Variants in IQSEC1 observed in about 807,000 individuals in gnomAD.
IQSEC1 encodes IQ motif and Sec7 domain ArfGEF 1.
In IQSEC1, 31 loss-of-function variants were observed where a neutral mutation model predicts 91.0. The observed-to-expected ratio is 0.34, with a 90% confidence interval of 0.26 to 0.46. The LOEUF is 0.46. Among genes scored for constraint, IQSEC1 ranks in the 20% least tolerant of loss-of-function variants. The probability of loss-of-function intolerance (pLI) is 1.00; values close to 1 mark genes in which losing one functional copy is unlikely to be tolerated. For synonymous variants in IQSEC1, 699 were observed against 662.6 expected (o/e 1.05, Z -0.84); for missense variants, 1,388 against 1,575.6 (o/e 0.88, Z 2.02).
At chr3:12,942,754 C>T (rs928088418) in intron 1 of IQSEC1, among the ~76,000 whole-genome samples, 1 of 152,234 alleles carries the variant, frequency 6.6e-6, no homozygotes, top group Non-Finnish European at 1.5e-5. Flanking sequence ...CAGCACGGGA[C>T]TGTGTTTTGG....
chr3:12,905,627 G>C (rs1041500398), intron 12 of IQSEC1, among the ~76,000 whole-genome samples: 17 of 152,356 alleles, frequency 1.1e-4, no homozygotes, highest in African/African-American at 4.1e-4. Flanking sequence ...TGACATGGTG[G>C]GGAGGGATGT....
chr3:12,991,659 A>G (rs1701998232), intron 1 of IQSEC1, among the ~76,000 whole-genome samples: 1 of 152,240 alleles, frequency 6.6e-6, no homozygotes, highest in South Asian at 2.1e-4. Flanking sequence ...AGTGATGGGC[A>G]GCTTCCTACA....
chr3:12,955,643 C>T lies in IQSEC1; in HGVS notation c.24-13778G>A, dbSNP rs187951271. ...ACAGGCTTAAAACAGGAAAAGTCAA[C>T]CCCTAACGCCAATCCTGCAGCCAAC... is the stretch of plus-strand genomic sequence containing the variant. On this transcript the variant is annotated intron_variant, in intron 1 of 13. Coordinates refer to ENST00000613206, the MANE Select transcript of IQSEC1 (RefSeq NM_001134382.3). 2.3e-3 allele frequency among the ~76,000 whole-genome samples: 353 copies of T among 152,372 alleles called. 1 individual carries two copies. Among genetic ancestry groups the T allele is most frequent in the East Asian group, 0.016 (85 of 5,180 alleles).
In IQSEC1 at chr3:13,083,175, C is replaced by T. The variant is rs763756125; in HGVS notation, c.303-35653G>A. On this transcript the variant is annotated intron_variant, in intron 2 of 15. Transcript: ENST00000648114. ...AACTTGCAGGTGCTCAATTAATGCCCGTGGACTGAACAAGTTGGCAGCTGA... is the reference window on the plus strand; with the variant it reads ...AACTTGCAGGTGCTCAATTAATGCCTGTGGACTGAACAAGTTGGCAGCTGA... 7.2e-5 allele frequency among the ~76,000 whole-genome samples: 11 copies of T among 152,268 alleles called. No individual in the cohort carries two copies. The East Asian group carries it at 9.6e-4, about 13-fold the overall frequency.
At chr3:12,969,548 C>T (rs1700795005) in intron 1 of IQSEC1, among the ~76,000 whole-genome samples, 1 of 152,226 alleles carries the variant, frequency 6.6e-6, no homozygotes, top group South Asian at 2.1e-4. Flanking sequence ...GGATAGGGTA[C>T]ACATGACCCA....
Position 13,156,514 on chromosome 3 carries a change from T to A in IQSEC1, c.302+7590A>T, listed in dbSNP as rs912056343. On this transcript the variant is annotated intron_variant, in intron 2 of 15. Transcript: ENST00000648114. Reference sequence around the variant, plus strand: ...GGACAGAAGTGGGAGCATTCAGGCATGTGGACAGACAAGCTTAGCACATTT... The same window carrying A: ...GGACAGAAGTGGGAGCATTCAGGCAAGTGGACAGACAAGCTTAGCACATTT... Among the ~76,000 whole-genome samples, 7 of 152,210 alleles carry A rather than the reference T, an allele frequency of 4.6e-5. No homozygotes were observed. The East Asian group carries it at 1.3e-3, about 29-fold the overall frequency.
At chr3:13,115,459 T>C (rs1302543919) in intron 2 of IQSEC1, among the ~76,000 whole-genome samples, 1 of 152,218 alleles carries the variant, frequency 6.6e-6, no homozygotes, top group Non-Finnish European at 1.5e-5. Flanking sequence ...CTGGCCCTCT[T>C]AGCAAAGTCC....
In IQSEC1 at chr3:12,909,507, G is replaced by A. The variant is rs1446650696; in HGVS notation, c.2417-73C>T. ...TCTCTGCAATCTCCTCTCTGGTCAG[G>A]AAACAATGGTAGGGCTGAGTTGTGC... On this transcript the variant is annotated intron_variant, in intron 10 of 13. Coordinates refer to ENST00000613206, the MANE Select transcript of IQSEC1 (RefSeq NM_001134382.3). The surrounding 1 kb of genome is among the most constrained non-coding windows in gnomAD (Gnocchi z 4.9). 4 of 1,450,790 alleles carry A rather than the reference G, an allele frequency of 2.8e-6. No individual in the cohort carries two copies. Among genetic ancestry groups the A allele is most frequent in the Non-Finnish European group, 3.8e-6 (4 of 1,049,982 alleles). 89.9% of individuals were successfully genotyped at this position (1,450,790 alleles called of 1,614,324 possible).
chr3:13,276,719 G>A (rs907021809), intron 1 of IQSEC1, among the ~76,000 whole-genome samples: 5 of 152,184 alleles, frequency 3.3e-5, no homozygotes, highest in African/African-American at 4.8e-5. Flanking sequence ...GGCAGCAGCC[G>A]TTTCCCGATG....
chr3:12,914,225 C>T (rs1450464866), intron 8 of IQSEC1, among the ~76,000 whole-genome samples: 3 of 152,250 alleles, frequency 2.0e-5, no homozygotes, highest in East Asian at 1.9e-4. Context: ...TGACAGCTCA[C>T]GAAAGCTCCC....
chr3:13,168,606 C>T (rs1336503421), intron 1 of IQSEC1, among the ~76,000 whole-genome samples: 9 of 152,222 alleles, frequency 5.9e-5, no homozygotes, highest in Non-Finnish European at 1.3e-4. Flanking sequence ...CAGTCCTCCA[C>T]CTTCTTAGGG....
intron 1 of IQSEC1, among the ~76,000 whole-genome samples, chr3:13,057,441 T>C (rs951550475): frequency 3.3e-5 from 5 of 152,204 alleles, no homozygotes; most frequent in Admixed American, 1.3e-4. Flanking sequence ...AGAACCATGC[T>C]GCCCTCACAC....
intron 1 of IQSEC1, among the ~76,000 whole-genome samples, chr3:12,968,004 C>G (rs1700714594): frequency 6.6e-6 from 1 of 152,218 alleles, no homozygotes; most frequent in Non-Finnish European, 1.5e-5. Flanking sequence ...ATCCAGGTCC[C>G]AGCGCGCGAA....
chr3:13,164,477 TG>T lies in IQSEC1; in HGVS notation c.273-345del, dbSNP rs1576278492. ...GGTCTATGGTTCCAGAACTCTGACC[TG>T]GGCAGCAACTAAATGAATGAATGAG... On this transcript the variant is annotated intron_variant, in intron 1 of 15. Transcript: ENST00000648114. Among the ~76,000 whole-genome samples, 3 of 152,298 alleles carry T rather than the reference TG, an allele frequency of 2.0e-5. No homozygotes were observed. In the East Asian group the frequency reaches 5.8e-4, roughly 29 times the overall value.
At chr3:13,244,050 C>T (rs1320057735) in intron 1 of IQSEC1, among the ~76,000 whole-genome samples, 1 of 150,912 alleles carries the variant, frequency 6.6e-6, no homozygotes, top group Non-Finnish European at 1.5e-5. Flanking sequence ...GCCACCATTT[C>T]AGGCAGAGGG....
In IQSEC1 at chr3:13,237,350, C is replaced by A. The variant is rs1468454930; in HGVS notation, c.272+45361G>T. Among the ~76,000 whole-genome samples the A allele has an allele frequency of 3.3e-5, 5 of 152,160 alleles. No homozygotes were observed. In the South Asian group the frequency reaches 6.2e-4, roughly 19 times the overall value. On this transcript the variant is annotated intron_variant, in intron 1 of 15. Transcript: ENST00000648114. ...TCCTCCGAGGCTCTGGACAGGGCCT[C>A]CCGTTTGCACAAAACCAAGCAACAC...
chr3:13,108,898 G>A (rs1706196257), intron 2 of IQSEC1, among the ~76,000 whole-genome samples: 1 of 152,226 alleles, frequency 6.6e-6, no homozygotes, highest in Admixed American at 6.5e-5. Context: ...GCAGGTCATG[G>A]CCCCCGAGTG....
At chr3:13,263,295 TA>T (rs1446806911) in intron 1 of IQSEC1, among the ~76,000 whole-genome samples, 3 of 151,894 alleles carry the variant, frequency 2.0e-5, no homozygotes, top group Non-Finnish European at 4.4e-5. Flanking sequence ...TGAATATACC[TA>T]ATGCCATTAA....
intron 4 of IQSEC1, among the ~76,000 whole-genome samples, chr3:12,923,478 CTT>C (rs959925132): frequency 2.0e-5 from 3 of 152,340 alleles, no homozygotes; most frequent in Admixed American, 2.0e-4. Flanking sequence ...CCTGTGCATG[CTT>C]GGCAGACCAA....
Sources: gnomAD v4.1 joint callset for allele counts (sites outside exome capture counted in the v4.1 genomes callset) on GRCh38, gnomAD v4.1.1 for gene constraint, Gnocchi (gnomAD v3.1) non-coding constraint, MANE v1.5 for transcripts, NCBI Gene and HGNC (gene_info 2026-07-23, HGNC 2026-07-21) for gene names.